The following DOCK9 variants were observed in gnomAD, a reference collection of about 807,000 sequenced individuals.
The protein encoded by DOCK9 is dedicator of cytokinesis protein 9.
A neutral mutation model predicts 263.3 loss-of-function variants in DOCK9; 89 were observed. That is an observed-to-expected ratio of 0.34 (90% CI 0.28 to 0.40). The LOEUF (loss-of-function observed/expected upper bound fraction) is 0.40, where lower values mean the gene tolerates loss of function less well. Ranked by LOEUF, DOCK9 falls within the 10% of genes least tolerant of loss-of-function variation. The pLI, the probability that DOCK9 is intolerant of heterozygous loss-of-function variation, is 1.00. For missense variants in DOCK9, 2,140 were observed against 2,603.4 expected (o/e 0.82, Z 3.87); for synonymous variants, 976 against 973.1 (o/e 1.00, Z -0.06).
chr13:98,987,152 T>G (rs1878663934), intron 1 of DOCK9, among the ~76,000 whole-genome samples: 1 of 152,216 alleles, frequency 6.6e-6, no homozygotes, highest in South Asian at 2.1e-4. Context: ...AGATTTGATT[T>G]TAAATGTTCT....
chr13:99,005,580 G>A (rs563361337), intron 1 of DOCK9, among the ~76,000 whole-genome samples: 1 of 152,220 alleles, frequency 6.6e-6, no homozygotes, highest in African/African-American at 2.4e-5. Context: ...CACTGAGTAA[G>A]GAATGGATTA....
chr13:98,814,568 G>A (rs781277036), intron 45 of DOCK9, among the ~76,000 whole-genome samples: 7 of 152,090 alleles, frequency 4.6e-5, no homozygotes, highest in Non-Finnish European at 1.0e-4. Context: ...ACCACGCCCA[G>A]CTAATTTTTG....
intron 27 of DOCK9, among the ~76,000 whole-genome samples, chr13:98,873,307 T>C (rs2094237482): frequency 6.6e-6 from 1 of 152,244 alleles, no homozygotes; most frequent in South Asian, 2.1e-4. Flanking sequence ...CACAAATCTA[T>C]TTCTTTAGTT....
At chr13:99,041,425 G>C (rs1888448300) in intron 1 of DOCK9, among the ~76,000 whole-genome samples, 1 of 151,702 alleles carries the variant, frequency 6.6e-6, no homozygotes, top group Non-Finnish European at 1.5e-5. Flanking sequence ...CGAGGCTGCA[G>C]TGAGCTATGA....
rs60412646 is a variant in DOCK9 at position 98,942,220 on chromosome 13, G to GT, written c.244-11964dup. On this transcript the variant is annotated intron_variant, in intron 2 of 52. Coordinates refer to ENST00000682017, the MANE Select transcript of DOCK9 (RefSeq NM_001366683.2). ...GTTGTCTGTATGTGTCTCTGGTTAT[G>GT]TTTTTTTTTTTGTTGTTTTTTTTTT... Among the ~76,000 whole-genome samples the GT allele has an allele frequency of 7.3e-3, 972 of 132,298 alleles. 21 individuals carry two copies. The highest frequency in any genetic ancestry group is 0.024 in the African/African-American group (798 of 33,110). The allele number at this position is 132,298 out of a possible 152,430, so 86.8% of individuals were successfully genotyped here.
At chr13:98,800,528 T>C (rs887211046) in intron 49 of DOCK9, 50 bp from the exon 50 acceptor site, 5 of 1,585,884 alleles carry the variant, frequency 3.2e-6, no homozygotes, top group Non-Finnish European at 4.3e-6. Context: ...CGAGCTTTAG[T>C]GTTATTGAGC....
At chr13:98,892,376 T>C (rs1340301879) in intron 15 of DOCK9, among the ~76,000 whole-genome samples, 1 of 152,202 alleles carries the variant, frequency 6.6e-6, no homozygotes, top group Non-Finnish European at 1.5e-5. Context: ...TGACTTCCTG[T>C]ATTGGCTCGT....
chr13:98,945,059 A>G (rs2056525969), intron 2 of DOCK9, among the ~76,000 whole-genome samples: 1 of 152,224 alleles, frequency 6.6e-6, no homozygotes, highest in Non-Finnish European at 1.5e-5. Context: ...CAAGGAAACA[A>G]TGATTCTAAA....
At chr13:98,811,156 T>C (rs888336848) in intron 45 of DOCK9, among the ~76,000 whole-genome samples, 8 of 152,204 alleles carry the variant, frequency 5.3e-5, no homozygotes, top group African/African-American at 1.7e-4. Context: ...TGTTAATCTC[T>C]CCGTGGAATT....
intron 44 of DOCK9, 95 bp downstream of exon 44, chr13:98,826,735 C>G: frequency 1.0e-6 from 1 of 995,978 alleles, no homozygotes; most frequent in Non-Finnish European, 1.5e-6. Flanking sequence ...ACACAAATCC[C>G]CACCTTCCAA....
intron 2 of DOCK9, among the ~76,000 whole-genome samples, chr13:98,939,950 G>C (rs1204309913): frequency 6.6e-6 from 1 of 152,212 alleles, no homozygotes; most frequent in Non-Finnish European, 1.5e-5. Context: ...GCACTGGTCT[G>C]TACATTAAAT....
At chr13:98,877,786 T>C (rs2044104734) in intron 27 of DOCK9, among the ~76,000 whole-genome samples, 1 of 152,186 alleles carries the variant, frequency 6.6e-6, no homozygotes, top group South Asian at 2.1e-4. Context: ...CATTGAACTT[T>C]GTAATCCTTG....
In DOCK9 at chr13:98,863,456, C is replaced by T; in HGVS notation, c.3379G>A (p.Glu1127Lys). Residue 1127 changes from glutamate (E) to lysine (K), a missense_variant, in exon 31 of 53, where the codon GAG (glutamate) becomes AAG (lysine). By Grantham distance (56) the Glu-to-Lys change is moderately conservative (BLOSUM62 1). This residue lies in a region of DOCK9 where 1,521 missense variants were observed against 1,741.7 expected (regional missense o/e 0.87). Coordinates refer to ENST00000682017, the MANE Select transcript of DOCK9 (RefSeq NM_001366683.2). ...GCGATCAGACGGACCTCCCGGAACT[C>T]CTGGAGGGCTGTCCCCACCTCCCTC... ...LLREVGTALQ[E>K]FREVRLIAIS... 6.2e-7 allele frequency: 1 copy of T among 1,613,958 alleles called. No homozygotes were observed. The highest frequency in any genetic ancestry group is 1.3e-5 in the African/African-American group (1 of 75,014).
At chr13:98,910,548 ACAT>A (rs1411843354) in intron 9 of DOCK9, among the ~76,000 whole-genome samples, 2 of 152,210 alleles carry the variant, frequency 1.3e-5, no homozygotes, top group Non-Finnish European at 2.9e-5. Flanking sequence ...CCAGAATGAG[ACAT>A]CAGTTATTTT....
rs530587556 is a variant in DOCK9, at chr13:98,974,472, G to A, written c.126+3312C>T. On this transcript the variant is annotated intron_variant, in intron 1 of 52. Transcript: ENST00000682017. ...CTCTTGGAAACACTAACTTTTAGCC[G>A]GTCGCAGTGGCTCACACCTGTAATC... 2.0e-5 allele frequency among the ~76,000 whole-genome samples: 3 copies of A among 152,128 alleles called. No individual in the cohort carries two copies. The East Asian group carries it at 5.8e-4, about 29-fold the overall frequency.
At chr13:98,945,751 T>C (rs2056619047) in intron 2 of DOCK9, among the ~76,000 whole-genome samples, 1 of 152,216 alleles carries the variant, frequency 6.6e-6, no homozygotes, top group African/African-American at 2.4e-5. Flanking sequence ...CAAATATTTA[T>C]TGAATATCTA....
intron 2 of DOCK9, among the ~76,000 whole-genome samples, chr13:98,931,085 C>G (rs1288062152): frequency 2.0e-5 from 3 of 152,218 alleles, no homozygotes; most frequent in Non-Finnish European, 4.4e-5. Context: ...GCATAGATAA[C>G]TAGACACACA....
chr13:98,847,226 T>C (rs985454047), intron 37 of DOCK9: 4 of 154,170 alleles, frequency 2.6e-5, no homozygotes, highest in Admixed American at 2.5e-4. Flanking sequence ...TCTTGTGACG[T>C]AGGTGTCACT....
intron 38 of DOCK9, among the ~76,000 whole-genome samples, chr13:98,842,407 T>C (rs2093253867): frequency 6.6e-6 from 1 of 152,230 alleles, no homozygotes; most frequent in South Asian, 2.1e-4. Context: ...AATCTTTAAC[T>C]GCCTTTTAGA....
Sources: gnomAD v4.1 joint callset for allele counts (sites outside exome capture counted in the v4.1 genomes callset) on GRCh38, gnomAD v4.1.1 for gene constraint, gnomAD v4.1.1 regional missense constraint, MANE v1.5 for transcripts, NCBI Gene and HGNC (gene_info 2026-07-23, HGNC 2026-07-21) for gene names.